The following RGPD1 variants were observed in gnomAD, a reference collection of about 807,000 sequenced individuals.
The protein encoded by RGPD1 is RANBP2 like and GRIP domain containing 1, also known as RANBP2-like and GRIP domain-containing protein 1.
RGPD1 carries 7 observed loss-of-function variants against 40.6 expected under a neutral mutation model. The ratio of observed to expected loss-of-function variants is 0.17; its 90% CI spans 0.10 to 0.32. The LOEUF (loss-of-function observed/expected upper bound fraction) is 0.32. Among genes scored for constraint, RGPD1 ranks in the 10% least tolerant of loss-of-function variants. The pLI is 1.00. For missense variants in RGPD1, 50 were observed against 472.5 expected (o/e 0.11, Z 8.29); for synonymous variants, 24 against 167.0 (o/e 0.14, Z 6.60).
chr2:86,984,853 C>T lies in RGPD1; in HGVS notation c.2676+5C>T. On this transcript the variant is annotated splice_donor_5th_base_variant and intron_variant, in intron 19 of 22. Coordinates refer to ENST00000641458, the MANE Select transcript of RGPD1 (RefSeq NM_001382344.1). ...GCTAATGTTACTCCCACAAAGGTAA[C>T]AAAGGAATAATTTATACATTTATAA... 1 of 337,234 alleles carries T rather than the reference C, an allele frequency of 3.0e-6. No homozygotes were observed. Among genetic ancestry groups the T allele is most frequent in the Non-Finnish European group, 3.9e-6 (1 of 255,552 alleles). The allele number at this position is 337,234 out of a possible 1,614,324, so 20.9% of individuals were successfully genotyped here.
In RGPD1 at chr2:86,914,543, GGGCGGCGGC is replaced by G. The variant is rs1322747428; in HGVS notation, c.72+644_72+652del. ...CGGCGGCGGCGGCCTCGGCCTGGCC[GGGCGGCGGC>G]GGCGGCGGCGGCGGCGGCGGCCTCG... On this transcript the variant is annotated intron_variant, in intron 1 of 22. Transcript: ENST00000398193. 6.0e-4 allele frequency among the ~76,000 whole-genome samples: 12 copies of G among 20,014 alleles called. 1 individual carries two copies. The highest frequency in any genetic ancestry group is 1.1e-3 in the Non-Finnish European group (10 of 9,062). The allele number at this position is 20,014 out of a possible 152,430, so 13.1% of individuals were successfully genotyped here.
rs1356954748 is a variant in RGPD1, at chr2:86,920,312, C to T, written c.72+6391C>T. On this transcript the variant is annotated intron_variant, in intron 1 of 22. Coordinates refer to the RGPD1 transcript ENST00000398193. ...TTCAAACTCCTGAGCTCAAGTGATC[C>T]TCCCACCTTGGCCTCCCAAAGTGCT... Among the ~76,000 whole-genome samples, 6 of 151,602 alleles carry T rather than the reference C, an allele frequency of 4.0e-5. No homozygotes were observed. The East Asian group carries it at 9.7e-4, about 24-fold the overall frequency.
chr2:86,941,511 C>T (rs1419120252), upstream of RGPD1, among the ~76,000 whole-genome samples: 1 of 147,648 alleles, frequency 6.8e-6, no homozygotes, highest in Non-Finnish European at 1.5e-5. Context: ...TCCCAAAGTG[C>T]TGGGGCTACC....
At chr2:86,942,713 C>T (rs1463059253) in intron 1 of RGPD1, among the ~76,000 whole-genome samples, 2 of 148,836 alleles carry the variant, frequency 1.3e-5, no homozygotes, top group Non-Finnish European at 3.0e-5. Flanking sequence ...CGTGGCCCGG[C>T]GGCGGCCTCG....
In RGPD1 at chr2:86,930,666, C is replaced by G. The variant is rs1291289601; in HGVS notation, c.72+16745C>G. 2.5e-6 allele frequency: 4 copies of G among 1,611,014 alleles called. No homozygotes were observed. The Admixed American group carries it at 5.0e-5, about 20-fold the overall frequency. ...ACAGAGGTAGGGCTGGTTGTTCACT[C>G]CTGGGCACAGCTCTCGAAGCTGCTG... On this transcript the variant is annotated intron_variant, in intron 1 of 22. Coordinates refer to the RGPD1 transcript ENST00000398193.
At chr2:86,978,107 G>T (rs1160460189) in intron 17 of RGPD1, among the ~76,000 whole-genome samples, 176 bp downstream of exon 17, 1 of 124,718 alleles carries the variant, frequency 8.0e-6, no homozygotes, top group Admixed American at 7.4e-5. Flanking sequence ...TGTTGTGCAG[G>T]CTGCAGTACA....
At chr2:86,997,374 G>A (rs1246708976) in intron 21 of RGPD1, among the ~76,000 whole-genome samples, 189 bp from the exon 22 acceptor site, 2 of 21,532 alleles carry the variant, frequency 9.3e-5, no homozygotes, top group African/African-American at 2.2e-4. Flanking sequence ...GATTTTATAC[G>A]GTGATGTCAT....
intron 6 of RGPD1, among the ~76,000 whole-genome samples, chr2:86,960,929 TC>T: frequency 4.7e-5 from 1 of 21,492 alleles, no homozygotes; most frequent in Non-Finnish European, 8.0e-5. Context: ...TACCTTGGCC[TC>T]CCAAAGTACT....
intron 1 of RGPD1, among the ~76,000 whole-genome samples, chr2:86,943,633 G>T (rs530541085): frequency 1.3e-4 from 20 of 152,222 alleles, no homozygotes; most frequent in Non-Finnish European, 2.8e-4. Flanking sequence ...AATTTGATAG[G>T]ATGATCCATT....
intron 1 of RGPD1, among the ~76,000 whole-genome samples, chr2:86,944,522 T>G (rs1680189293): frequency 2.0e-5 from 3 of 151,712 alleles, no homozygotes; most frequent in Non-Finnish European, 4.4e-5. Context: ...CCCACCTCAG[T>G]CTCCCGAGTA....
chr2:86,918,680 C>T (rs1219243480), intron 1 of RGPD1, among the ~76,000 whole-genome samples: 3 of 146,878 alleles, frequency 2.0e-5, no homozygotes, highest in African/African-American at 5.2e-5. Context: ...AGGATGGTCT[C>T]GATCTCCTGA....
At chr2:87,009,111 C>G (rs1394075696) in intron 22 of RGPD1, among the ~76,000 whole-genome samples, 1 of 133,328 alleles carries the variant, frequency 7.5e-6, no homozygotes, top group East Asian at 2.3e-4. Context: ...CGAGACCATC[C>G]TGGCTAACAC....
upstream of RGPD1, among the ~76,000 whole-genome samples, chr2:86,939,578 CAAAA>C (rs560720648): frequency 4.4e-4 from 33 of 74,938 alleles, 1 homozygote; most frequent in South Asian, 1.6e-3. Flanking sequence ...AACTCCGTCT[CAAAA>C]AAAAAAAAAA....
At chr2:86,923,200 G>A (rs1489135207) in intron 1 of RGPD1, among the ~76,000 whole-genome samples, 1 of 149,930 alleles carries the variant, frequency 6.7e-6, no homozygotes, top group Admixed American at 6.6e-5. Context: ...CACCATGCCC[G>A]GCTAATTTTT....
At chr2:86,943,010 G>T (rs1265390023) in intron 1 of RGPD1, among the ~76,000 whole-genome samples, 2 of 151,692 alleles carry the variant, frequency 1.3e-5, no homozygotes, top group Non-Finnish European at 2.9e-5. Context: ...CTGTATCGGC[G>T]GGTTTCTTCC....
At chr2:86,935,746 CA>C (rs942636013) in intron 1 of RGPD1, among the ~76,000 whole-genome samples, 2 of 123,876 alleles carry the variant, frequency 1.6e-5, no homozygotes, top group East Asian at 2.6e-4. Context: ...TAAAATGTCT[CA>C]AAAAAAAGCT....
At chr2:86,931,032 A>G (rs1558790779) in intron 1 of RGPD1, among the ~76,000 whole-genome samples, 1 of 117,008 alleles carries the variant, frequency 8.5e-6, no homozygotes, top group Non-Finnish European at 1.7e-5. Flanking sequence ...ATGGAAAACC[A>G]AATTTCAATA....
At chr2:86,923,288 C>T (rs1312189547) in intron 1 of RGPD1, among the ~76,000 whole-genome samples, 1 of 151,802 alleles carries the variant, frequency 6.6e-6, no homozygotes, top group Admixed American at 6.6e-5. Flanking sequence ...ACCTTCCTGA[C>T]CTTGGTGTCC....
chr2:86,943,288 C>T (rs1284424094), intron 1 of RGPD1, among the ~76,000 whole-genome samples: 1 of 124,088 alleles, frequency 8.1e-6, no homozygotes, highest in African/African-American at 3.0e-5. Flanking sequence ...CCCCCCACCC[C>T]GCCCAGAACA....
Sources: allele counts gnomAD v4.1 joint callset (sites outside exome capture counted in the v4.1 genomes callset), GRCh38; gene constraint gnomAD v4.1.1; transcripts MANE v1.5; gene names NCBI Gene and HGNC (gene_info 2026-07-23, HGNC 2026-07-21).